Variants in PLAA observed in about 807,000 individuals in gnomAD.
PLAA encodes phospholipase A2 activating protein, also known as phospholipase A-2-activating protein.
A neutral mutation model predicts 84.1 loss-of-function variants in PLAA; 48 were observed. The observed-to-expected ratio is 0.57, with a 90% CI of 0.45 to 0.73. The LOEUF (loss-of-function observed/expected upper bound fraction) is 0.73, where lower values mean the gene tolerates loss of function less well. Ranked by LOEUF, PLAA falls within the 30% of genes least tolerant of loss-of-function variation. PLAA has a pLI of 0.00. For synonymous variants in PLAA, 392 were observed against 336.6 expected (o/e 1.16, Z -1.80); for missense variants, 903 against 954.7 (o/e 0.95, Z 0.71).
At chr9:26,908,327 T>C (rs900105712) in intron 12 of PLAA, among the ~76,000 whole-genome samples, 1 of 147,334 alleles carries the variant, frequency 6.8e-6, no homozygotes, top group Non-Finnish European at 1.5e-5. Flanking sequence ...CCACCATGCC[T>C]GGCTAATTTT....
Position 26,903,618 on chromosome 9 carries a change from C to T in PLAA, c.*1893G>A, listed in dbSNP as rs1824145213. Among the ~76,000 whole-genome samples the T allele has an allele frequency of 6.6e-6, 1 of 152,066 alleles. No homozygotes were observed. The highest frequency in any genetic ancestry group is 1.5e-5 in the Non-Finnish European group (1 of 67,978). ...TTATTACTTTTGTATTCAGAAAAAA[C>T]ATTAAGAGAATCATAGGAAAGTTTA... is the stretch of plus-strand genomic sequence containing the variant. On this transcript the variant is annotated 3_prime_UTR_variant, in exon 14 of 14. Coordinates refer to ENST00000397292, the MANE Select transcript of PLAA (RefSeq NM_001031689.3).
In PLAA at chr9:26,935,165, T is replaced by C. The variant is rs745736768; in HGVS notation, c.191A>G (p.His64Arg). ...GCATACACAAGATACAAAATTGGAATGGCCACTCATACAGTGCATTTCTGT... is the reference window on the plus strand; with the variant it reads ...GCATACACAAGATACAAAATTGGAACGGCCACTCATACAGTGCATTTCTGT... ...SFTEMHCMSG[H>R]SNFVSCVCII... Residue 64 changes from histidine to arginine, a missense_variant, in exon 2 of 14, where the codon CAT (histidine) becomes CGT (arginine). Transcript: ENST00000397292. 5 of 1,596,510 alleles carry C rather than the reference T, an allele frequency of 3.1e-6. No homozygotes were observed. Among genetic ancestry groups the C allele is most frequent in the Non-Finnish European group, 4.3e-6 (5 of 1,174,860 alleles).
intron 1 of PLAA, among the ~76,000 whole-genome samples, chr9:26,938,712 C>T (rs1164950737): frequency 6.6e-6 from 1 of 151,884 alleles, no homozygotes; most frequent in African/African-American, 2.4e-5. Context: ...ATGGTAAATA[C>T]GATAGTGGTT....
chr9:26,906,097 T>A, intron 13 of PLAA, 21 bp from the exon 14 acceptor site: 1 of 1,369,862 alleles, frequency 7.3e-7, no homozygotes. Flanking sequence ...AAAAAAGTCA[T>A]TAATGCTTAT....
At chr9:26,920,852 T>A (rs989560014) in intron 7 of PLAA, among the ~76,000 whole-genome samples, 1 of 152,150 alleles carries the variant, frequency 6.6e-6, no homozygotes, top group Non-Finnish European at 1.5e-5. Flanking sequence ...ATCTCCATCA[T>A]CATCCCTTGG....
intron 2 of PLAA, among the ~76,000 whole-genome samples, chr9:26,934,202 G>A (rs763859937): frequency 5.3e-5 from 8 of 152,108 alleles, no homozygotes; most frequent in Non-Finnish European, 1.0e-4. Context: ...TTACTGCACC[G>A]ATTAAGCATG....
intron 1 of PLAA, among the ~76,000 whole-genome samples, chr9:26,943,880 A>G (rs534411659): frequency 1.2e-3 from 183 of 152,268 alleles, no homozygotes; most frequent in African/African-American, 4.1e-3. Context: ...TTGAGCCCAG[A>G]AGGTCGAGGC....
chr9:26,924,331 G>A (rs1308355966), intron 6 of PLAA, among the ~76,000 whole-genome samples: 7 of 151,734 alleles, frequency 4.6e-5, no homozygotes, highest in African/African-American at 7.3e-5. Context: ...ACAGGGTCTC[G>A]GTAGCTCACC....
At chr9:26,944,781 C>A (rs1825636488) in intron 1 of PLAA, among the ~76,000 whole-genome samples, 2 of 152,144 alleles carry the variant, frequency 1.3e-5, no homozygotes. Context: ...GCAAGTTCTT[C>A]ATCAGTGTTA....
At chr9:26,927,739 G>A (rs1825023561) in intron 4 of PLAA, among the ~76,000 whole-genome samples, 1 of 152,144 alleles carries the variant, frequency 6.6e-6, no homozygotes, top group Non-Finnish European at 1.5e-5. Flanking sequence ...AGATAACACT[G>A]CTGACTGACC....
At position 26,947,059 on chromosome 9, in the gene PLAA, C is replaced by CT; in HGVS notation, c.-15dup. On this transcript the variant is annotated 5_prime_UTR_variant, in exon 1 of 14. Transcript: ENST00000397292. ...GCCGCTCGTCATGGCCAGTGTCTGT[C>CT]TGGCGCCCGGTGCCCAGGCACTGTG... The CT allele has an allele frequency of 6.4e-7, 1 of 1,564,036 alleles. No homozygotes were observed. The highest frequency in any genetic ancestry group is 8.7e-7 in the Non-Finnish European group (1 of 1,155,684).
intron 10 of PLAA, 47 bp downstream of exon 10, chr9:26,917,050 C>T (rs776493968): frequency 2.1e-6 from 3 of 1,458,468 alleles, no homozygotes; most frequent in Admixed American, 1.7e-5. Context: ...ATGCAAGATG[C>T]TATACATTTA....
intron 10 of PLAA, among the ~76,000 whole-genome samples, chr9:26,914,292 T>C (rs778753449): frequency 1.3e-5 from 2 of 152,040 alleles, no homozygotes; most frequent in South Asian, 2.1e-4. Flanking sequence ...CATAAGACAA[T>C]TGGAAAAGAC....
chr9:26,908,025 A>C (rs773631241), intron 12 of PLAA, 27 bp from the exon 13 acceptor site: 1 of 1,547,670 alleles, frequency 6.5e-7, no homozygotes, highest in Non-Finnish European at 8.7e-7. Flanking sequence ...AACTTTCAAA[A>C]TTCTCTAACT....
intron 11 of PLAA, among the ~76,000 whole-genome samples, chr9:26,911,938 A>AGC (rs1394879630): frequency 3.9e-5 from 6 of 152,212 alleles, no homozygotes; most frequent in African/African-American, 1.4e-4. Flanking sequence ...TATAAACAAT[A>AGC]AATTTTTCTT....
chr9:26,904,175 C>T lies in PLAA; in HGVS notation c.*1336G>A, dbSNP rs1487035515. On this transcript the variant is annotated 3_prime_UTR_variant, in exon 14 of 14. Coordinates refer to ENST00000397292, the MANE Select transcript of PLAA (RefSeq NM_001031689.3). Reference sequence around the variant, plus strand: ...ATTCCAAAAGTTCTTACTTGGGTTACTCTTGACAATTAGAACCTTTCTTGC... The same window carrying T: ...ATTCCAAAAGTTCTTACTTGGGTTATTCTTGACAATTAGAACCTTTCTTGC... The T allele has an allele frequency of 2.0e-5, 3 of 152,214 alleles. No individual in the cohort carries two copies. Among genetic ancestry groups the T allele is most frequent in the Non-Finnish European group, 4.4e-5 (3 of 68,008 alleles). 9.4% of individuals were successfully genotyped at this position (152,214 alleles called of 1,614,324 possible).
chr9:26,938,231 A>C (rs1168684287), intron 1 of PLAA, among the ~76,000 whole-genome samples: 2 of 152,196 alleles, frequency 1.3e-5, no homozygotes, highest in African/African-American at 4.8e-5. Flanking sequence ...GGTCAAACTG[A>C]GTGCAGTAGC....
At chr9:26,921,226 T>G (rs1293285262) in intron 7 of PLAA, among the ~76,000 whole-genome samples, 1 of 152,208 alleles carries the variant, frequency 6.6e-6, no homozygotes, top group Non-Finnish European at 1.5e-5. Context: ...CTTTCCCTCT[T>G]TAACAACTTT....
chr9:26,923,252 A>T lies in PLAA; in HGVS notation c.965T>A (p.Ile322Asn), dbSNP rs1383936631. The change falls in exon 7 of 14, where the codon ATT becomes AAT. Residue 322 changes from isoleucine (I) to asparagine (N), a missense_variant. Coordinates refer to ENST00000397292, the MANE Select transcript of PLAA (RefSeq NM_001031689.3). ...AFEKELSHAT[I>N]DSKTGDLGDI... ...CCCTAAATCGCCAGTTTTAGAATCA[A>T]TGGTTGCGTGAGACAGTTCTTTTTC... 2 of 1,613,822 alleles carry T rather than the reference A, an allele frequency of 1.2e-6. No homozygotes were observed. The highest frequency in any genetic ancestry group is 4.5e-5 in the East Asian group (2 of 44,872).
Sources: allele counts gnomAD v4.1 joint callset (sites outside exome capture counted in the v4.1 genomes callset), GRCh38; gene constraint gnomAD v4.1.1; transcripts MANE v1.5; gene names NCBI Gene and HGNC (gene_info 2026-07-23, HGNC 2026-07-21).